SVOP: variants seen among roughly 807,000 people sequenced by gnomAD.
The protein encoded by SVOP is synaptic vesicle 2-related protein.
Under a neutral mutation model 69.1 loss-of-function variants are expected in SVOP, and 17 were observed. The ratio of observed to expected loss-of-function variants is 0.25; its 90% CI spans 0.17 to 0.37. SVOP has a LOEUF of 0.37. SVOP is among the 10% of genes least tolerant of loss of function. The pLI, the probability that SVOP is intolerant of heterozygous loss-of-function variation, is 1.00. For synonymous variants in SVOP, 238 were observed against 238.6 expected, an observed-to-expected ratio of 1.00 and a Z score of 0.02; for missense variants, 435 against 597.5, an observed-to-expected ratio of 0.73 and a Z score of 2.84.
At chr12:109,008,751 G>A (rs1440637294) in intron 1 of SVOP, among the ~76,000 whole-genome samples, 1 of 152,038 alleles carries the variant, frequency 6.6e-6, no homozygotes, top group Admixed American at 6.6e-5. Context: ...GAAAAACAAG[G>A]AACTTGCCCA....
At chr12:109,012,617 T>C (rs892087625) in intron 1 of SVOP, among the ~76,000 whole-genome samples, 1 of 152,110 alleles carries the variant, frequency 6.6e-6, no homozygotes, top group African/African-American at 2.4e-5. Context: ...CCAACCTCCC[T>C]GATTTAGTCA....
At chr12:108,960,854 G>A in intron 6 of SVOP, 69 bp downstream of exon 6, 1 of 1,509,738 alleles carries the variant, frequency 6.6e-7, no homozygotes, top group Non-Finnish European at 8.8e-7. Flanking sequence ...CCTAACTCCT[G>A]ATCCAGACCA....
chr12:108,913,348 A>T (rs1450075234), intron 15 of SVOP, among the ~76,000 whole-genome samples: 2 of 152,210 alleles, frequency 1.3e-5, no homozygotes, highest in Non-Finnish European at 2.9e-5. Context: ...GGCATGAGCC[A>T]ACACGCCCAG....
intron 5 of SVOP, among the ~76,000 whole-genome samples, chr12:108,964,712 C>G (rs2040035188): frequency 6.6e-6 from 1 of 152,180 alleles, no homozygotes; most frequent in Non-Finnish European, 1.5e-5. Flanking sequence ...GCAGACATGT[C>G]TCACGGGCCT....
chr12:108,943,994 G>C (rs2039908416), intron 7 of SVOP, among the ~76,000 whole-genome samples: 1 of 151,830 alleles, frequency 6.6e-6, no homozygotes, highest in Non-Finnish European at 1.5e-5. Flanking sequence ...CAATTCTCCT[G>C]CCTCAGCCTC....
chr12:108,975,641 C>A (rs139337299), intron 4 of SVOP, among the ~76,000 whole-genome samples: 101,619 of 151,764 alleles, frequency 0.67, 34,502 homozygotes, highest in East Asian at 0.79. Flanking sequence ...TGGTTGTTAT[C>A]ATCCAATGGC....
intron 15 of SVOP, among the ~76,000 whole-genome samples, chr12:108,914,016 C>G (rs564988361): frequency 3.7e-4 from 56 of 152,224 alleles, no homozygotes; most frequent in Non-Finnish European, 6.6e-4. Flanking sequence ...CCTGGCAGCA[C>G]CTGGCACCGT....
chr12:109,014,274 C>T (rs1396611773), intron 1 of SVOP, among the ~76,000 whole-genome samples: 2 of 152,152 alleles, frequency 1.3e-5, no homozygotes, highest in Non-Finnish European at 2.9e-5. Context: ...CTCGGCCTTC[C>T]AAAGTGCTGG....
intron 10 of SVOP, among the ~76,000 whole-genome samples, chr12:108,936,723 A>G (rs2039858352): frequency 1.3e-5 from 2 of 151,962 alleles, no homozygotes; most frequent in Non-Finnish European, 2.9e-5. Context: ...AGATATTCCC[A>G]CCTTGACCTT....
In SVOP at chr12:108,915,326, C is replaced by T. The variant is rs76410395; in HGVS notation, c.1440+457G>A. 6.4e-3 allele frequency among the ~76,000 whole-genome samples: 968 copies of T among 152,168 alleles called. 11 individuals carry two copies. Among genetic ancestry groups the T allele is most frequent in the African/African-American group, 0.022 (903 of 41,492 alleles). On this transcript the variant is annotated intron_variant, in intron 15 of 15. Transcript: ENST00000610966. ...GTACCCAATAGGTGGAATTTTCAGC[C>T]CATGACTCCCACCCTTCCTTCCCAG...
At position 108,907,776 on chromosome 12, in the gene SVOP, T is replaced by C. The variant is rs371534942; in HGVS notation, c.*4759A>G. On this transcript the variant is annotated 3_prime_UTR_variant, in exon 16 of 16. Coordinates refer to ENST00000610966, the MANE Select transcript of SVOP (RefSeq NM_018711.5). ...ACCCAGCCAGGACCATGTCTTATGA[T>C]ATTTTGCATCCTCAGTGTTGAATAA... 6.6e-6 allele frequency: 1 copy of C among 152,398 alleles called. No individual in the cohort carries two copies. Among genetic ancestry groups the C allele is most frequent in the East Asian group, 1.9e-4 (1 of 5,184 alleles). The allele number at this position is 152,398 out of a possible 1,614,324, so 9.4% of individuals were successfully genotyped here.
intron 4 of SVOP, among the ~76,000 whole-genome samples, chr12:108,973,382 AATTT>A (rs1357638638): frequency 6.6e-6 from 1 of 151,886 alleles, no homozygotes; most frequent in African/African-American, 2.4e-5. Context: ...ATGTATGTAT[AATTT>A]ATTTATTTGT....
intron 11 of SVOP, among the ~76,000 whole-genome samples, chr12:108,924,875 A>G (rs1358924632): frequency 6.6e-6 from 1 of 152,216 alleles, no homozygotes; most frequent in East Asian, 1.9e-4. Context: ...TAGACATAAT[A>G]GATAAGGGAG....
At position 108,976,283 on chromosome 12, in the gene SVOP, T is replaced by C. The variant is rs1593196964; in HGVS notation, c.381+1115A>G. Among the ~76,000 whole-genome samples the C allele has an allele frequency of 2.0e-5, 3 of 152,070 alleles. No homozygotes were observed. The East Asian group carries it at 5.8e-4, about 29-fold the overall frequency. ...TTATTGCTAATATCAGACTGGGCCA[T>C]GCTGTGTGGAAGGCACTCAGGCCAT... On this transcript the variant is annotated intron_variant, in intron 4 of 15. Transcript: ENST00000610966.
intron 11 of SVOP, among the ~76,000 whole-genome samples, chr12:108,933,398 C>T (rs893854308): frequency 2.9e-5 from 4 of 139,928 alleles, no homozygotes; most frequent in African/African-American, 1.1e-4. Flanking sequence ...TAATAATAGG[C>T]CAGGCACAGT....
At chr12:108,989,617 A>G (rs148319842) in intron 1 of SVOP, among the ~76,000 whole-genome samples, 135,170 of 152,046 alleles carry the variant, frequency 0.89, 61,203 homozygotes, top group Non-Finnish European at 0.99. Context: ...AGCAGTGGAG[A>G]GCATAATCTC....
At chr12:109,011,006 C>G (rs2040338461) in intron 1 of SVOP, among the ~76,000 whole-genome samples, 1 of 152,086 alleles carries the variant, frequency 6.6e-6, no homozygotes, top group South Asian at 2.1e-4. Context: ...CCTCTGCCTC[C>G]TGGTTTCAAG....
intron 1 of SVOP, among the ~76,000 whole-genome samples, chr12:108,994,639 C>T (rs766802200): frequency 2.7e-4 from 41 of 152,196 alleles, no homozygotes; most frequent in Non-Finnish European, 3.5e-4. Flanking sequence ...CACAGAGGGG[C>T]GGCAAGCTCG....
chr12:108,958,489 C>T (rs1333181163), intron 6 of SVOP, among the ~76,000 whole-genome samples: 4 of 152,088 alleles, frequency 2.6e-5, no homozygotes, highest in Non-Finnish European at 5.9e-5. Context: ...GAGGTTGTCC[C>T]ATCTAGCTTT....
Sources: allele counts gnomAD v4.1 joint callset (sites outside exome capture counted in the v4.1 genomes callset), GRCh38; gene constraint gnomAD v4.1.1; transcripts MANE v1.5; gene names NCBI Gene and HGNC (gene_info 2026-07-23, HGNC 2026-07-21).